The following CD59 variants were observed in gnomAD, a reference collection of about 807,000 sequenced individuals.
CD59 encodes the protein CD59 glycoprotein.
In CD59, 3 loss-of-function variants were observed where a neutral mutation model predicts 7.0. The ratio of observed to expected loss-of-function variants is 0.43; its 90% CI spans 0.19 to 1.10. CD59 has a LOEUF of 1.10. CD59 is among the 50% of genes least tolerant of loss of function. The pLI, the probability that CD59 is intolerant of heterozygous loss-of-function variation, is 0.29. For missense variants in CD59, 143 were observed against 151.0 expected, an observed-to-expected ratio of 0.95 and a Z score of 0.28; for synonymous variants, 60 against 62.0, an observed-to-expected ratio of 0.97 and a Z score of 0.15.
In CD59 at chr11:33,710,076, G is replaced by C. The variant is rs1853469991; in HGVS notation, c.*50C>G. On this transcript the variant is annotated 3_prime_UTR_variant, in exon 4 of 4. Coordinates refer to ENST00000642928, the MANE Select transcript of CD59 (RefSeq NM_000611.6). The stretch of plus-strand genomic sequence containing the variant: ...CTTTAGAATGTGGCAGCAAGAGAAA[G>C]CGGACTACGCAGGAACGGGGAGTTT... The C allele has an allele frequency of 3.0e-6, 4 of 1,343,532 alleles. No individual in the cohort carries two copies. Among genetic ancestry groups the C allele is most frequent in the Non-Finnish European group, 4.2e-6 (4 of 947,540 alleles). 83.2% of individuals were successfully genotyped at this position (1,343,532 alleles called of 1,614,324 possible). A position where few individuals can be genotyped will look rare whatever the true frequency, so the allele number is the denominator to read the frequency against.
chr11:33,721,217 G>A (rs917572143), intron 2 of CD59, among the ~76,000 whole-genome samples: 1 of 152,200 alleles, frequency 6.6e-6, no homozygotes, highest in Admixed American at 6.5e-5. Flanking sequence ...GGAAGAAGGG[G>A]TGCCATGACT....
rs957837541 is a variant in CD59, at chr11:33,705,465, G to A, written c.*4661C>T. Reference sequence around the variant, plus strand: ...GTAGACACTGTCTACCTTGTTTGCTGAGTCTTCTGGCTTTCTTCCACTCTT... The same window carrying A: ...GTAGACACTGTCTACCTTGTTTGCTAAGTCTTCTGGCTTTCTTCCACTCTT... On this transcript the variant is annotated 3_prime_UTR_variant, in exon 4 of 4. Coordinates refer to ENST00000642928, the MANE Select transcript of CD59 (RefSeq NM_000611.6). 3 of 152,252 alleles carry A rather than the reference G, an allele frequency of 2.0e-5. No homozygotes were observed. The highest frequency in any genetic ancestry group is 4.4e-5 in the Non-Finnish European group (3 of 68,064). 9.4% of individuals were successfully genotyped at this position (152,252 alleles called of 1,614,324 possible). A position where few individuals can be genotyped will look rare whatever the true frequency, so the allele number is the denominator to read the frequency against.
intron 3 of CD59, among the ~76,000 whole-genome samples, chr11:33,714,868 G>A (rs921465082): frequency 1.4e-4 from 22 of 151,740 alleles, no homozygotes; most frequent in African/African-American, 5.3e-4. Context: ...TACTCATGGG[G>A]CTGTCCTGTC....
chr11:33,726,189 A>T (rs1318426713), intron 1 of CD59, among the ~76,000 whole-genome samples: 2 of 152,222 alleles, frequency 1.3e-5, no homozygotes, highest in Non-Finnish European at 2.9e-5. Context: ...CCTAACAGAC[A>T]TCTACAGAAC....
intron 1 of CD59, chr11:33,722,949 T>A (rs1854137748): frequency 9.4e-7 from 1 of 1,065,538 alleles, no homozygotes; most frequent in African/African-American, 1.6e-5. Context: ...GTAAGAAGTA[T>A]AATGGGGACA....
intron 3 of CD59, among the ~76,000 whole-genome samples, chr11:33,715,953 AGTTT>A (rs757745106): frequency 4.7e-4 from 72 of 152,356 alleles, no homozygotes; most frequent in Middle Eastern, 3.4e-3. Context: ...AACTATACTT[AGTTT>A]AATTATACTT....
At chr11:33,714,796 CA>C (rs1459288842) in intron 3 of CD59, among the ~76,000 whole-genome samples, 1 of 152,146 alleles carries the variant, frequency 6.6e-6, no homozygotes, top group Non-Finnish European at 1.5e-5. Context: ...GGGTCTGGAT[CA>C]TCAGTATCAC....
chr11:33,719,078 G>C (rs1853932231), intron 2 of CD59: 1 of 152,196 alleles, frequency 6.6e-6, no homozygotes, highest in South Asian at 2.1e-4. Flanking sequence ...GTGGGTTTTA[G>C]AGCCCAACAG....
At chr11:33,723,037 T>C in intron 1 of CD59, 1 of 843,872 alleles carries the variant, frequency 1.2e-6, no homozygotes, top group Non-Finnish European at 1.4e-6. Context: ...TGCCTAGATG[T>C]GTAGTGATAG....
At chr11:33,715,103 T>TA (rs1246580864) in intron 3 of CD59, among the ~76,000 whole-genome samples, 3 of 151,968 alleles carry the variant, frequency 2.0e-5, no homozygotes, top group Non-Finnish European at 4.4e-5. Context: ...TTTTAGTAAG[T>TA]AGAAGGACTA....
chr11:33,722,733 T>G, intron 1 of CD59: 1 of 1,227,944 alleles, frequency 8.1e-7, no homozygotes, highest in Non-Finnish European at 1.0e-6. Context: ...CAAATGACAA[T>G]ATGAGCAAAT....
intron 1 of CD59, among the ~76,000 whole-genome samples, chr11:33,728,599 A>T (rs1216589568): frequency 6.6e-6 from 1 of 152,244 alleles, no homozygotes; most frequent in Non-Finnish European, 1.5e-5. Flanking sequence ...ACCATTCAGG[A>T]CATAGGCATG....
At position 33,710,131 on chromosome 11, in the gene CD59, G is replaced by A. The variant is rs369200735; in HGVS notation, c.382C>T (p.Pro128Ser). The change falls in exon 4 of 4, where the codon CCC becomes TCC. Residue 128 changes from proline to serine, a missense_variant. Coordinates refer to ENST00000642928, the MANE Select transcript of CD59 (RefSeq NM_000611.6). ...PFLAAAWSLH[P>S] is the part of the protein sequence containing the mutation. ...GAAGCTCTCCTGGTGTTGACTTAGGGATGAAGGCTCCAGGCTGCTGCCAGA... is the reference window on the plus strand; with the variant it reads ...GAAGCTCTCCTGGTGTTGACTTAGGAATGAAGGCTCCAGGCTGCTGCCAGA... The A allele has an allele frequency of 4.0e-5, 65 of 1,611,598 alleles. No individual in the cohort carries two copies. The highest frequency in any genetic ancestry group is 3.3e-4 in the Middle Eastern group (2 of 6,078).
intron 1 of CD59, among the ~76,000 whole-genome samples, chr11:33,725,753 G>A (rs1384563827): frequency 6.6e-6 from 1 of 152,126 alleles, no homozygotes; most frequent in African/African-American, 2.4e-5. Context: ...ATAAGGAAAT[G>A]AGTATACTAT....
chr11:33,720,725 T>A (rs939850361), intron 2 of CD59, among the ~76,000 whole-genome samples: 1 of 149,588 alleles, frequency 6.7e-6, no homozygotes, highest in African/African-American at 2.4e-5. Context: ...TGAGACTCCA[T>A]CCCCCTGAAA....
chr11:33,729,101 G>A (rs1034509571), intron 1 of CD59, among the ~76,000 whole-genome samples: 1 of 152,038 alleles, frequency 6.6e-6, no homozygotes, highest in Admixed American at 6.5e-5. Context: ...TGTGGAAGAC[G>A]GTATGGTGAC....
intron 2 of CD59, among the ~76,000 whole-genome samples, chr11:33,720,813 G>C (rs1449265475): frequency 6.6e-6 from 1 of 152,210 alleles, no homozygotes; most frequent in South Asian, 2.1e-4. Context: ...GGGTAGACGA[G>C]GTTTCCCCTG....
chr11:33,709,215 T>G lies in CD59; in HGVS notation c.*911A>C, dbSNP rs1853437357. The G allele has an allele frequency of 6.6e-6, 1 of 152,242 alleles. No individual in the cohort carries two copies. Among genetic ancestry groups the G allele is most frequent in the South Asian group, 2.1e-4 (1 of 4,834 alleles). The allele number at this position is 152,242 out of a possible 1,614,324, so 9.4% of individuals were successfully genotyped here. A position where few individuals can be genotyped will look rare whatever the true frequency, so the allele number is the denominator to read the frequency against. On this transcript the variant is annotated 3_prime_UTR_variant, in exon 4 of 4. Transcript: ENST00000642928. ...AAAACATACCCCTGCAGATCTGTTG[T>G]TATTAAGGATGACCTTTGGAAGTCT...
intron 2 of CD59, among the ~76,000 whole-genome samples, chr11:33,719,914 C>T (rs1046448506): frequency 6.6e-6 from 1 of 152,236 alleles, no homozygotes; most frequent in African/African-American, 2.4e-5. Flanking sequence ...GACATGTATT[C>T]ACACGCATGA....
Sources: gnomAD v4.1 joint callset for allele counts (sites outside exome capture counted in the v4.1 genomes callset) on GRCh38, gnomAD v4.1.1 for gene constraint, MANE v1.5 for transcripts, NCBI Gene and HGNC (gene_info 2026-07-23, HGNC 2026-07-21) for gene names.